Variants in RASSF3 observed in about 807,000 individuals in gnomAD.
RASSF3 encodes the protein Ras association domain family member 3.
In RASSF3, 19 loss-of-function variants were observed where a neutral mutation model predicts 19.9. The ratio of observed to expected loss-of-function variants is 0.96; its 90% confidence interval spans 0.67 to 1.40. RASSF3 has a LOEUF of 1.40. RASSF3 is among the 40% of genes most tolerant of loss of function. RASSF3 has a pLI of 0.00. For synonymous variants in RASSF3, 110 were observed against 104.2 expected (o/e 1.06, Z -0.34); for missense variants, 306 against 289.8 (o/e 1.06, Z -0.41).
chr12:64,619,262 C>T lies in RASSF3; in HGVS notation c.111+8519C>T, dbSNP rs1046623786. Among the ~76,000 whole-genome samples the T allele has an allele frequency of 5.9e-5, 9 of 151,738 alleles. No homozygotes were observed. In the Middle Eastern group the frequency reaches 0.01, roughly 174 times the overall value. ...CCTTTACTGTTGGGGATAGTTTCTT[C>T]TCAGCCTATCCAGGGACACACATAC... On this transcript the variant is annotated intron_variant, in intron 1 of 4. Transcript: ENST00000542104.
At chr12:64,688,767 GTTTTCT>G (rs892497828) in intron 3 of RASSF3, among the ~76,000 whole-genome samples, 21 of 152,122 alleles carry the variant, frequency 1.4e-4, no homozygotes, top group African/African-American at 4.6e-4. Flanking sequence ...TTTGATTTTA[GTTTTCT>G]TTAGGACACA....
chr12:64,679,196 A>G (rs1179731639), intron 1 of RASSF3, among the ~76,000 whole-genome samples: 4 of 152,110 alleles, frequency 2.6e-5, no homozygotes, highest in African/African-American at 9.7e-5. Context: ...CTGAGTAGCT[A>G]GGATTACAGG....
Position 64,696,695 on chromosome 12 carries a change from G to T in RASSF3, c.*1783G>T, listed in dbSNP as rs895062606. ...GGAGGCAGACTTAAGTTGTTATGCT[G>T]TGCCACACAATTTACTGAGACAATC... On this transcript the variant is annotated 3_prime_UTR_variant, in exon 5 of 5. Transcript: ENST00000542104. 6.6e-6 allele frequency: 1 copy of T among 151,984 alleles called. No homozygotes were observed. The highest frequency in any genetic ancestry group is 1.5e-5 in the Non-Finnish European group (1 of 68,004). 9.4% of individuals were successfully genotyped at this position (151,984 alleles called of 1,614,324 possible). A position where few individuals can be genotyped will look rare whatever the true frequency, so the allele number is the denominator to read the frequency against.
At chr12:64,653,827 G>A (rs1420433129) in intron 1 of RASSF3, among the ~76,000 whole-genome samples, 1 of 151,568 alleles carries the variant, frequency 6.6e-6, no homozygotes, top group African/African-American at 2.4e-5. Flanking sequence ...GGATTACAGC[G>A]TGGGCCACTG....
At chr12:64,665,343 CCAGT>C (rs763235674) in intron 1 of RASSF3, among the ~76,000 whole-genome samples, 11 of 152,268 alleles carry the variant, frequency 7.2e-5, no homozygotes, top group East Asian at 3.9e-4. Flanking sequence ...TGACTTGGCA[CCAGT>C]CAGAGTTTAT....
chr12:64,508,303 T>C (rs1314881379), intron 1 of RASSF3, among the ~76,000 whole-genome samples: 1 of 151,578 alleles, frequency 6.6e-6, no homozygotes, highest in African/African-American at 2.4e-5. Context: ...TTACCTGAGG[T>C]GAGGAGTTCG....
upstream of RASSF3, among the ~76,000 whole-genome samples, chr12:64,607,210 G>A (rs1261310664): frequency 1.3e-5 from 2 of 151,490 alleles, no homozygotes; most frequent in Non-Finnish European, 2.9e-5. Flanking sequence ...CTTGAGCTTG[G>A]GAAGTCGAGG....
chr12:64,610,710 A>G lies in RASSF3; in HGVS notation c.78A>G (p.Arg26=). 4 of 1,593,566 alleles carry G rather than the reference A, an allele frequency of 2.5e-6. No individual in the cohort carries two copies. The highest frequency in any genetic ancestry group is 3.4e-6 in the Non-Finnish European group (4 of 1,171,746). Reference sequence around the variant, plus strand: ...CCGCCAGGACCTCCTTCTTCAGGAGAGCGCCCCAGGGCAAGCCCCGCTCCG... The same window carrying G: ...CCGCCAGGACCTCCTTCTTCAGGAGGGCGCCCCAGGGCAAGCCCCGCTCCG... ...FFTARTSFFR[R]APQGKPRSGQ... The change falls in exon 1 of 5, where the codon AGA becomes AGG. Residue 26 remains arginine (R), a synonymous_variant. Coordinates refer to ENST00000542104, the MANE Select transcript of RASSF3 (RefSeq NM_178169.4).
chr12:64,679,637 T>C (rs935735301), intron 1 of RASSF3, among the ~76,000 whole-genome samples: 6 of 152,096 alleles, frequency 3.9e-5, no homozygotes, highest in African/African-American at 1.4e-4. Flanking sequence ...GAAAGTTCGC[T>C]ACTGAAAAAC....
chr12:64,669,835 G>C (rs1872640005), intron 1 of RASSF3, among the ~76,000 whole-genome samples: 1 of 144,328 alleles, frequency 6.9e-6, no homozygotes, highest in Non-Finnish European at 1.5e-5. Context: ...GAACCCTCAG[G>C]TTATACAAGC....
intron 1 of RASSF3, among the ~76,000 whole-genome samples, chr12:64,524,625 AG>A (rs1228860748): frequency 2.0e-5 from 3 of 152,194 alleles, no homozygotes; most frequent in Admixed American, 6.5e-5. Context: ...ATCTAAAAAA[AG>A]GGGGCCCACC....
intron 1 of RASSF3, among the ~76,000 whole-genome samples, chr12:64,612,903 G>A (rs1592419289): frequency 6.6e-6 from 1 of 152,166 alleles, no homozygotes; most frequent in Non-Finnish European, 1.5e-5. Context: ...TATCGTGTTG[G>A]AAATCAGGAC....
intron 1 of RASSF3, among the ~76,000 whole-genome samples, chr12:64,669,346 CCTT>C (rs1031053886): frequency 6.6e-6 from 1 of 152,068 alleles, no homozygotes; most frequent in African/African-American, 2.4e-5. Flanking sequence ...TTGATGTAGT[CCTT>C]CTTGGCTTCG....
At chr12:64,554,002 A>G (rs1010927700) in intron 2 of RASSF3, among the ~76,000 whole-genome samples, 8 of 151,500 alleles carry the variant, frequency 5.3e-5, no homozygotes, top group Non-Finnish European at 4.4e-5. Context: ...AAGAAAGAAA[A>G]AAAAAAGTTG....
chr12:64,647,703 G>A lies in RASSF3; in HGVS notation c.111+36960G>A, dbSNP rs542531959. 6.0e-4 allele frequency among the ~76,000 whole-genome samples: 91 copies of A among 151,634 alleles called. 2 individuals carry two copies. In the East Asian group the frequency reaches 0.013, roughly 21 times the overall value. Reference sequence around the variant, plus strand: ...TGGGATTACAGGCATGAACCACCGCGCCCGGCCCCGGCCTTGTATTTTTTT... The same window carrying A: ...TGGGATTACAGGCATGAACCACCGCACCCGGCCCCGGCCTTGTATTTTTTT... On this transcript the variant is annotated intron_variant, in intron 1 of 4. Coordinates refer to ENST00000542104, the MANE Select transcript of RASSF3 (RefSeq NM_178169.4).
intron 2 of RASSF3, among the ~76,000 whole-genome samples, chr12:64,550,259 G>A (rs1232461661): frequency 6.6e-6 from 1 of 151,898 alleles, no homozygotes; most frequent in African/African-American, 2.4e-5. Context: ...AACATGTAAG[G>A]GGAAAACAAG....
chr12:64,676,104 C>G (rs1872888915), intron 1 of RASSF3, among the ~76,000 whole-genome samples: 1 of 150,526 alleles, frequency 6.6e-6, no homozygotes, highest in African/African-American at 2.4e-5. Flanking sequence ...CTTTTAAGGA[C>G]AAGAACAGCA....
chr12:64,530,773 G>T (rs1209457763), upstream of RASSF3, among the ~76,000 whole-genome samples: 3 of 152,150 alleles, frequency 2.0e-5, no homozygotes, highest in African/African-American at 7.2e-5. Flanking sequence ...ATAGGTGTGT[G>T]GTAGCATCTC....
rs1306969925 is a variant in RASSF3 at position 64,694,923 on chromosome 12, C to T, written c.*11C>T. 6.2e-7 allele frequency: 1 copy of T among 1,613,246 alleles called. No individual in the cohort carries two copies. The highest frequency in any genetic ancestry group is 1.7e-5 in the Admixed American group (1 of 59,968). Reference sequence around the variant, plus strand: ...TGGAAGCCTGATTAAAGCGGGGCTCCCTGCCCGTGAGGCCCGGTGCAGGAC... The same window carrying T: ...TGGAAGCCTGATTAAAGCGGGGCTCTCTGCCCGTGAGGCCCGGTGCAGGAC... On this transcript the variant is annotated 3_prime_UTR_variant, in exon 5 of 5. Coordinates refer to ENST00000542104, the MANE Select transcript of RASSF3 (RefSeq NM_178169.4).
Sources: gnomAD v4.1 joint callset for allele counts (sites outside exome capture counted in the v4.1 genomes callset) on GRCh38, gnomAD v4.1.1 for gene constraint, MANE v1.5 for transcripts, NCBI Gene and HGNC (gene_info 2026-07-23, HGNC 2026-07-21) for gene names.